PLB1: variants seen among roughly 807,000 people sequenced by gnomAD.
PLB1 encodes the protein phospholipase B1, membrane-associated.
In PLB1, 242 loss-of-function variants were observed where a neutral mutation model predicts 227.4. The observed-to-expected ratio is 1.06, with a 90% CI of 0.96 to 1.18. The LOEUF (loss-of-function observed/expected upper bound fraction) is 1.18. Among genes scored for constraint, PLB1 ranks in the 50% most tolerant of loss-of-function variants. The pLI, the probability that PLB1 is intolerant of heterozygous loss-of-function variation, is 0.00. For synonymous variants in PLB1, 757 were observed against 682.2 expected (o/e 1.11, Z -1.71); for missense variants, 1,858 against 1,816.3 (o/e 1.02, Z -0.42).
intron 56 of PLB1, among the ~76,000 whole-genome samples, chr2:28,638,087 T>G (rs1324740392): frequency 6.6e-6 from 1 of 152,050 alleles, no homozygotes; most frequent in Non-Finnish European, 1.5e-5. Flanking sequence ...CTCCAGGTGC[T>G]GAGGACTCAG....
chr2:28,542,120 G>A lies in PLB1; in HGVS notation c.879+309G>A, dbSNP rs545210648. ...TGCACTCCAGCCTGGGCAGTAGAAC[G>A]AGACTCAGTCTCAAAAAAAAAAAAA... is the stretch of plus-strand genomic sequence containing the variant. On this transcript the variant is annotated intron_variant, in intron 13 of 57. Coordinates refer to ENST00000327757, the MANE Select transcript of PLB1 (RefSeq NM_153021.5). 3.5e-3 allele frequency among the ~76,000 whole-genome samples: 477 copies of A among 136,586 alleles called. 1 individual carries two copies. The highest frequency in any genetic ancestry group is 0.012 in the African/African-American group (461 of 37,700). 89.6% of individuals were successfully genotyped at this position (136,586 alleles called of 152,430 possible).
At chr2:28,529,269 GGCCTTCA>G in intron 6 of PLB1, 41 bp from the exon 7 acceptor site, 2 of 1,341,060 alleles carry the variant, frequency 1.5e-6, no homozygotes, top group African/African-American at 2.9e-5. Context: ...CTTTAGAGGT[GGCCTTCA>G]GCTGGTGAAG....
chr2:28,640,566 G>A (rs1689853981), intron 56 of PLB1, among the ~76,000 whole-genome samples: 1 of 152,184 alleles, frequency 6.6e-6, no homozygotes. Flanking sequence ...AAAACACGGT[G>A]TCTTGCAATC....
intron 46 of PLB1, among the ~76,000 whole-genome samples, chr2:28,618,664 C>T (rs949643315): frequency 6.6e-6 from 1 of 152,210 alleles, no homozygotes; most frequent in Non-Finnish European, 1.5e-5. Flanking sequence ...CCACTGTTCA[C>T]AGGCGTTTTG....
Position 28,629,169 on chromosome 2 carries a change from G to C in PLB1, c.3802G>C (p.Ala1268Pro). ...GTACCAGGGCCAAGGCGGGAAATGT[G>C]CCATGCTGGCAGCTCAGTAAGTGGA... is the stretch of plus-strand genomic sequence containing the variant. Reference protein sequence around the residue: ...SLYQGQGGKCAMLAAQNNCTC... With the variant: ...SLYQGQGGKCPMLAAQNNCTC... The change falls in exon 53 of 58, where the codon GCC becomes CCC. Residue 1268 changes from alanine to proline, a missense_variant. By Grantham distance (27) the Ala-to-Pro change is conservative. Coordinates refer to ENST00000327757, the MANE Select transcript of PLB1 (RefSeq NM_153021.5). The C allele has an allele frequency of 6.2e-7, 1 of 1,613,790 alleles. No homozygotes were observed. Among genetic ancestry groups the C allele is most frequent in the Non-Finnish European group, 8.5e-7 (1 of 1,179,868 alleles).
chr2:28,598,290 T>C (rs1430150799), intron 34 of PLB1, among the ~76,000 whole-genome samples: 1 of 152,220 alleles, frequency 6.6e-6, no homozygotes, highest in South Asian at 2.1e-4. Context: ...CAATCTCCGA[T>C]GTGCTTGTCA....
At position 28,618,256 on chromosome 2, in the gene PLB1, GAGTTATAGAC is replaced by G. The variant is rs1686472560; in HGVS notation, c.3257-84_3257-75del. The G allele has an allele frequency of 2.4e-6, 3 of 1,246,778 alleles. No individual in the cohort carries two copies. The African/African-American group carries it at 4.4e-5, about 18-fold the overall frequency. The allele number at this position is 1,246,778 out of a possible 1,614,324, so 77.2% of individuals were successfully genotyped here. ...AAGTACAATGGGGAGCAGTGGGACA[GAGTTATAGAC>G]TTCTGGTAAAATGTGTACTTTAAGA... On this transcript the variant is annotated intron_variant, in intron 45 of 57. Coordinates refer to ENST00000327757, the MANE Select transcript of PLB1 (RefSeq NM_153021.5).
chr2:28,597,860 C>G (rs761196550), intron 33 of PLB1, 145 bp from the exon 34 acceptor site: 44 of 768,528 alleles, frequency 5.7e-5, no homozygotes, highest in Non-Finnish European at 9.0e-5. Flanking sequence ...TCTCAGAATT[C>G]CTCAAACTCA....
At chr2:28,631,993 A>G (rs1688692968) in intron 54 of PLB1, 43 bp from the exon 55 acceptor site, 2 of 1,529,176 alleles carry the variant, frequency 1.3e-6, no homozygotes, top group South Asian at 1.1e-5. Flanking sequence ...CTGTCTGTGC[A>G]GCCTTGCCAG....
chr2:28,528,823 A>G (rs1210734982), intron 6 of PLB1, among the ~76,000 whole-genome samples: 4 of 151,948 alleles, frequency 2.6e-5, no homozygotes, highest in African/African-American at 9.7e-5. Context: ...AGAGGTACAG[A>G]TAGCCTCACA....
intron 39 of PLB1, among the ~76,000 whole-genome samples, chr2:28,603,349 G>A (rs1684194159): frequency 6.6e-6 from 1 of 152,180 alleles, no homozygotes; most frequent in Admixed American, 6.5e-5. Flanking sequence ...AACTGGGAGT[G>A]TTTTGTTTCT....
intron 56 of PLB1, 33 bp from the exon 57 acceptor site, chr2:28,640,894 G>A (rs368675739): frequency 2.5e-6 from 4 of 1,596,488 alleles, no homozygotes; most frequent in South Asian, 1.1e-5. Context: ...CCCAGCTTTG[G>A]AGAGAATCGA....
At chr2:28,561,743 C>T (rs1178851246) in intron 17 of PLB1, among the ~76,000 whole-genome samples, 1 of 151,920 alleles carries the variant, frequency 6.6e-6, no homozygotes, top group Non-Finnish European at 1.5e-5. Flanking sequence ...AAAAAATTGG[C>T]TGGGCATGGT....
At chr2:28,501,139 T>C (rs889391247) in intron 1 of PLB1, among the ~76,000 whole-genome samples, 4 of 152,230 alleles carry the variant, frequency 2.6e-5, no homozygotes, top group African/African-American at 9.7e-5. Flanking sequence ...CCAATAAATT[T>C]ATAAAGTTAT....
chr2:28,632,260 T>G (rs897612461), intron 55 of PLB1, 120 bp downstream of exon 55: 28 of 795,836 alleles, frequency 3.5e-5, no homozygotes, highest in Non-Finnish European at 5.2e-5. Flanking sequence ...AGAGGATTCC[T>G]GAGGGTGGCT....
intron 14 of PLB1, 52 bp downstream of exon 14, chr2:28,543,320 A>G (rs1320218683): frequency 6.4e-7 from 1 of 1,571,608 alleles, no homozygotes; most frequent in South Asian, 1.2e-5. Flanking sequence ...CAAGGTCTCC[A>G]CCACCACTGA....
intron 51 of PLB1, among the ~76,000 whole-genome samples, chr2:28,628,276 C>CA (rs1239807280): frequency 6.6e-6 from 1 of 152,044 alleles, no homozygotes; most frequent in Non-Finnish European, 1.5e-5. Context: ...GAGCCAAGGC[C>CA]AAAAAGTGGC....
chr2:28,607,351 G>A (rs562705303), intron 43 of PLB1, among the ~76,000 whole-genome samples: 1 of 152,260 alleles, frequency 6.6e-6, no homozygotes, highest in South Asian at 2.1e-4. Context: ...CTGGGGAATG[G>A]ACCTGCAGCT....
intron 14 of PLB1, 175 bp from the exon 15 acceptor site, chr2:28,548,685 G>T: frequency 1.5e-6 from 1 of 664,306 alleles, no homozygotes. Context: ...AACACAGACT[G>T]CTGCCCCAGC....
Sources: allele counts gnomAD v4.1 joint callset (sites outside exome capture counted in the v4.1 genomes callset), GRCh38; gene constraint gnomAD v4.1.1; transcripts MANE v1.5; gene names NCBI Gene and HGNC (gene_info 2026-07-23, HGNC 2026-07-21).